PHACTR2: variants seen among roughly 807,000 people sequenced by gnomAD.
PHACTR2 encodes phosphatase and actin regulator 2.
In PHACTR2, 30 loss-of-function variants were observed where a neutral mutation model predicts 76.0. The observed-to-expected ratio is 0.39, with a 90% CI of 0.30 to 0.54. PHACTR2 has a LOEUF of 0.54. Among genes scored for constraint, PHACTR2 ranks in the 20% least tolerant of loss-of-function variants. The pLI is 0.61. For synonymous variants in PHACTR2, 292 were observed against 292.5 expected (o/e 1.00, Z 0.02); for missense variants, 696 against 781.1 (o/e 0.89, Z 1.30).
chr6:143,666,511 C>T (rs1430491121), intron 1 of PHACTR2, among the ~76,000 whole-genome samples: 1 of 152,166 alleles, frequency 6.6e-6, no homozygotes, highest in East Asian at 1.9e-4. Flanking sequence ...AACAGCATTC[C>T]CATGTTTCCA....
At chr6:143,718,416 T>C (rs1778350834) in intron 2 of PHACTR2, among the ~76,000 whole-genome samples, 1 of 152,204 alleles carries the variant, frequency 6.6e-6, no homozygotes, top group Admixed American at 6.5e-5. Context: ...AAGGCAATAT[T>C]TGAACCTAAG....
At position 143,822,447 on chromosome 6, in the gene PHACTR2, T is replaced by A. The variant is rs1238366085; in HGVS notation, c.1923-1227T>A. ...TGGAAGGCAAAGGTGGGCAAATCGCTTGAGACCAGGAGTTCAAGACCAGCC... is the reference window on the plus strand; with the variant it reads ...TGGAAGGCAAAGGTGGGCAAATCGCATGAGACCAGGAGTTCAAGACCAGCC... On this transcript the variant is annotated intron_variant, in intron 12 of 12. Transcript: ENST00000440869. This position sits in a 1 kb window ranked among gnomAD's most constrained non-coding sequence, Gnocchi z 5.5. 6.6e-6 allele frequency among the ~76,000 whole-genome samples: 1 copy of A among 152,104 alleles called. No individual in the cohort carries two copies. The highest frequency in any genetic ancestry group is 1.5e-5 in the Non-Finnish European group (1 of 68,030).
rs565000086 is a variant in PHACTR2 at position 143,753,546 on chromosome 6, G to A, written c.296-208G>A. Among the ~76,000 whole-genome samples, 12 of 152,244 alleles carry A rather than the reference G, an allele frequency of 7.9e-5. No homozygotes were observed. Among genetic ancestry groups the A allele is most frequent in the South Asian group, 4.1e-4 (2 of 4,820 alleles). On this transcript the variant is annotated intron_variant, in intron 3 of 12. Transcript: ENST00000440869. The surrounding 1 kb of genome is among the most constrained non-coding windows in gnomAD (Gnocchi z 4.6). ...ATCATTCCTGTTGTCTTGAAATGGC[G>A]CATAGATATTCCCTCCATAGCAGCT...
intron 1 of PHACTR2, among the ~76,000 whole-genome samples, chr6:143,613,093 C>G (rs545271701): frequency 7.9e-5 from 12 of 152,372 alleles, no homozygotes; most frequent in South Asian, 2.1e-4. Flanking sequence ...TCCCTGGCCT[C>G]AGCCTCCCGA....
In PHACTR2 at chr6:143,578,652, G is replaced by A. The variant is rs1285830349; in HGVS notation, c.217+41445G>A. On this transcript the variant is annotated intron_variant, in intron 1 of 11. Coordinates refer to the PHACTR2 transcript ENST00000367584. This position sits in a 1 kb window ranked among gnomAD's most constrained non-coding sequence, Gnocchi z 4.5. ...TGGACAATGAGGAGAGGATGAGGAG[G>A]AGGAGGAGGAGGAAGGAGAAGAGGA... 6.6e-6 allele frequency among the ~76,000 whole-genome samples: 1 copy of A among 151,894 alleles called. No individual in the cohort carries two copies. Among genetic ancestry groups the A allele is most frequent in the East Asian group, 1.9e-4 (1 of 5,170 alleles).
At position 143,647,461 on chromosome 6, in the gene PHACTR2, G is replaced by C. The variant is rs1582733072; in HGVS notation, c.13+39139G>C. On this transcript the variant is annotated intron_variant, in intron 1 of 11. Coordinates refer to the PHACTR2 transcript ENST00000305766. This position sits in a 1 kb window ranked among gnomAD's most constrained non-coding sequence, Gnocchi z 4.2. The stretch of plus-strand genomic sequence containing the variant: ...CTACAGTGTGCCAGCTCCCAGTGTA[G>C]TCTAGGTATACTATCCATGGTGAAG... Among the ~76,000 whole-genome samples, 3 of 152,198 alleles carry C rather than the reference G, an allele frequency of 2.0e-5. No homozygotes were observed. Among genetic ancestry groups the C allele is most frequent in the African/African-American group, 7.2e-5 (3 of 41,442 alleles).
upstream of PHACTR2, among the ~76,000 whole-genome samples, chr6:143,606,985 T>C (rs1189598269): frequency 6.6e-6 from 1 of 152,186 alleles, no homozygotes; most frequent in Non-Finnish European, 1.5e-5. Context: ...CTCATATCTA[T>C]AGGAAATCCT....
intron 7 of PHACTR2, among the ~76,000 whole-genome samples, chr6:143,773,176 G>A (rs2128475537): frequency 6.6e-6 from 1 of 152,182 alleles, no homozygotes; most frequent in South Asian, 2.1e-4. Flanking sequence ...TCGCGCCACT[G>A]CACTCCAGCC....
chr6:143,709,044 C>CA lies in PHACTR2; in HGVS notation c.47-2969dup. 6.6e-6 allele frequency among the ~76,000 whole-genome samples: 1 copy of CA among 152,166 alleles called. No individual in the cohort carries two copies. Among genetic ancestry groups the CA allele is most frequent in the East Asian group, 1.9e-4 (1 of 5,202 alleles). On this transcript the variant is annotated intron_variant, in intron 1 of 12. Transcript: ENST00000440869. This position sits in a 1 kb window ranked among gnomAD's most constrained non-coding sequence, Gnocchi z 4.4. ...TAAGCCCTTCCATGAGAGTTCAGCA[C>CA]AAAGTCTTCATGAAGAAGTAAAACC... is the stretch of plus-strand genomic sequence containing the variant.
At chr6:143,551,885 TG>T (rs1775100774) in intron 1 of PHACTR2, among the ~76,000 whole-genome samples, 1 of 152,224 alleles carries the variant, frequency 6.6e-6, no homozygotes. Context: ...GGATTAATAA[TG>T]TGACCATTTA....
rs1012022599 is a variant in PHACTR2, at chr6:143,742,555, G to C, written c.215-6430G>C. ...AGTCACCAGTGCCAGGGAGAAACTG[G>C]GCTCTGATTGGATAAGCCCAGGAGC... On this transcript the variant is annotated intron_variant, in intron 2 of 12. Coordinates refer to ENST00000440869, the MANE Select transcript of PHACTR2 (RefSeq NM_001100164.2). This position sits in a 1 kb window ranked among gnomAD's most constrained non-coding sequence, Gnocchi z 4.5. Among the ~76,000 whole-genome samples the C allele has an allele frequency of 6.6e-6, 1 of 152,182 alleles. No individual in the cohort carries two copies. The highest frequency in any genetic ancestry group is 1.5e-5 in the Non-Finnish European group (1 of 68,024).
chr6:143,825,120 A>G lies in PHACTR2; in HGVS notation c.*1431A>G, dbSNP rs1562321273. 6.6e-6 allele frequency: 1 copy of G among 152,602 alleles called. No homozygotes were observed. The highest frequency in any genetic ancestry group is 1.5e-5 in the Non-Finnish European group (1 of 68,028). 9.5% of individuals were successfully genotyped at this position (152,602 alleles called of 1,614,324 possible). ...CACCTTGCATTTCATTGTTCTTCAC[A>G]AGTGCTTTGTGCCCCTTTAATTAAA... On this transcript the variant is annotated 3_prime_UTR_variant, in exon 13 of 13. Coordinates refer to ENST00000440869, the MANE Select transcript of PHACTR2 (RefSeq NM_001100164.2). The surrounding 1 kb of genome is among the most constrained non-coding windows in gnomAD (Gnocchi z 4.1).
In PHACTR2 at chr6:143,695,629, A is replaced by G. The variant is rs1013933989; in HGVS notation, c.47-16387A>G. On this transcript the variant is annotated intron_variant, in intron 1 of 12. Coordinates refer to ENST00000440869, the MANE Select transcript of PHACTR2 (RefSeq NM_001100164.2). The surrounding 1 kb of genome is among the most constrained non-coding windows in gnomAD (Gnocchi z 4.4). ...CTAGATCTTTAAAAGGGAAGGGCAG[A>G]ATAAACAGAGGGCCCTTTGATAATG... 1.3e-5 allele frequency among the ~76,000 whole-genome samples: 2 copies of G among 152,234 alleles called. No individual in the cohort carries two copies. Among genetic ancestry groups the G allele is most frequent in the African/African-American group, 4.8e-5 (2 of 41,468 alleles).
chr6:143,800,285 C>T lies in PHACTR2; in HGVS notation c.1846-6772C>T, dbSNP rs921677487. On this transcript the variant is annotated intron_variant, in intron 11 of 12. Transcript: ENST00000440869. This position sits in a 1 kb window ranked among gnomAD's most constrained non-coding sequence, Gnocchi z 4.8. ...TTTTTATTTTTTATTTTTTTGAGAC[C>T]GAGTCTGGCTCTGTTGCCCAGGCTG... Among the ~76,000 whole-genome samples the T allele has an allele frequency of 1.5e-4, 23 of 151,168 alleles. 1 individual carries two copies. The highest frequency in any genetic ancestry group is 3.4e-3 in the Middle Eastern group (1 of 294).
chr6:143,747,293 T>A (rs1361362678), intron 2 of PHACTR2, among the ~76,000 whole-genome samples: 1 of 152,048 alleles, frequency 6.6e-6, no homozygotes, highest in Non-Finnish European at 1.5e-5. Flanking sequence ...GAAAAAAAAA[T>A]CCAGGTTCTT....
chr6:143,705,028 G>C (rs1778016017), intron 1 of PHACTR2, among the ~76,000 whole-genome samples: 2 of 151,950 alleles, frequency 1.3e-5, no homozygotes, highest in Admixed American at 1.3e-4. Context: ...GGGTTTCACT[G>C]TGTTAGCCAG....
intron 1 of PHACTR2, among the ~76,000 whole-genome samples, chr6:143,650,960 T>C (rs1268846835): frequency 1.3e-5 from 2 of 151,910 alleles, no homozygotes; most frequent in Non-Finnish European, 2.9e-5. Flanking sequence ...ATCCAGCATC[T>C]ATTAATACAA....
rs1368581905 is a variant in PHACTR2 at position 143,753,877 on chromosome 6, C to G, written c.419C>G (p.Thr140Arg). ...GGTAATGGCTCTGTATCTGAAAAAA[C>G]ACCACCTCTGGAGGAACAGGCAGAA... ...EEGNGSVSEK[T>R]PPLEEQAEDK... The change falls in exon 4 of 13, where the codon ACA (threonine) becomes AGA (arginine). Residue 140 changes from threonine to arginine, a missense_variant. Around this residue, in one of 2 missense-constraint regions of PHACTR2, gnomAD observed 460 missense variants for 450.9 expected, o/e 1.02. Coordinates refer to ENST00000440869, the MANE Select transcript of PHACTR2 (RefSeq NM_001100164.2). This position sits in a 1 kb window ranked among gnomAD's most constrained non-coding sequence, Gnocchi z 4.6. The G allele has an allele frequency of 5.0e-6, 8 of 1,609,690 alleles. No individual in the cohort carries two copies. The South Asian group carries it at 8.9e-5, about 18-fold the overall frequency.
rs1779317651 is a variant in PHACTR2, at chr6:143,757,057, A to G, written c.454+3145A>G. On this transcript the variant is annotated intron_variant, in intron 4 of 12. Coordinates refer to ENST00000440869, the MANE Select transcript of PHACTR2 (RefSeq NM_001100164.2). The surrounding 1 kb of genome is among the most constrained non-coding windows in gnomAD (Gnocchi z 4.2). ...GCCAGTCTCAAAAAAAGAAAATAAT[A>G]ATAATTTTAAATAATAAGATTTTAT... is the stretch of plus-strand genomic sequence containing the variant. Among the ~76,000 whole-genome samples the G allele has an allele frequency of 1.3e-5, 2 of 152,216 alleles. No homozygotes were observed. The highest frequency in any genetic ancestry group is 3.9e-4 in the East Asian group (2 of 5,172).
Sources: allele counts gnomAD v4.1 joint callset (sites outside exome capture counted in the v4.1 genomes callset), GRCh38; gene constraint gnomAD v4.1.1; regional missense constraint gnomAD v4.1.1; non-coding constraint Gnocchi (gnomAD v3.1); transcripts MANE v1.5; gene names NCBI Gene and HGNC (gene_info 2026-07-23, HGNC 2026-07-21).